Variants in KIAA0930 observed in about 807,000 individuals in gnomAD.
The protein encoded by KIAA0930 is KIAA0930.
Under a neutral mutation model 43.9 loss-of-function variants are expected in KIAA0930, and 24 were observed. The observed-to-expected ratio is 0.55, with a 90% confidence interval of 0.40 to 0.77. The LOEUF is 0.77. Ranked by LOEUF, KIAA0930 falls within the 30% of genes least tolerant of loss-of-function variation. The pLI is 0.00. For missense variants in KIAA0930, 461 were observed against 574.2 expected (o/e 0.80, Z 2.02); for synonymous variants, 259 against 216.4 (o/e 1.20, Z -1.73).
intron 1 of KIAA0930, chr22:45,213,549 AACAGGCAAAGCCCAAGTCACGCTACT>A: frequency 8.7e-6 from 10 of 1,151,756 alleles, no homozygotes; most frequent in Non-Finnish European, 1.1e-5. Flanking sequence ...GCGTTTTTGC[AACAGGCAAAGCCCAAGTCACGCTACT>A]ACAGACCCTT....
chr22:45,206,349 C>T (rs1569074812), intron 2 of KIAA0930, among the ~76,000 whole-genome samples: 1 of 152,088 alleles, frequency 6.6e-6, no homozygotes, highest in South Asian at 2.1e-4. Flanking sequence ...AGTTCTCTAG[C>T]GACGGGAGAT....
intron 7 of KIAA0930, among the ~76,000 whole-genome samples, chr22:45,201,301 G>C (rs545865270): frequency 6.6e-6 from 1 of 152,218 alleles, no homozygotes; most frequent in Admixed American, 6.5e-5. Flanking sequence ...CCAGGGGCCA[G>C]CCCTGCTGCT....
At chr22:45,198,477 C>T (rs1255343633) in intron 8 of KIAA0930, among the ~76,000 whole-genome samples, 6 of 152,312 alleles carry the variant, frequency 3.9e-5, no homozygotes, top group Admixed American at 3.3e-4. Flanking sequence ...AAGAGCAGGT[C>T]GAGGCCAGTG....
At chr22:45,213,264 AGCCCTCAGCCCTCT>A (rs2083710224) in intron 1 of KIAA0930, 2 of 1,259,702 alleles carry the variant, frequency 1.6e-6, no homozygotes, top group Non-Finnish European at 2.1e-6. Flanking sequence ...CTCGGCCCTC[AGCCCTCAGCCCTCT>A]GCCCTCTGCC....
chr22:45,224,236 A>T (rs2083784823), intron 1 of KIAA0930, among the ~76,000 whole-genome samples: 1 of 152,252 alleles, frequency 6.6e-6, no homozygotes, highest in Admixed American at 6.5e-5. Flanking sequence ...AGGAGGAAAG[A>T]CTGAAGGAAT....
chr22:45,205,306 A>C lies in KIAA0930; in HGVS notation c.427T>G (p.Ser143Ala), dbSNP rs1279254994. The C allele has an allele frequency of 6.2e-7, 1 of 1,613,652 alleles. No individual in the cohort carries two copies. The highest frequency in any genetic ancestry group is 8.5e-7 in the Non-Finnish European group (1 of 1,179,812). Residue 143 changes from serine to alanine, a missense_variant, in exon 5 of 10, where the codon TCC becomes GCC. Coordinates refer to ENST00000336156, the MANE Select transcript of KIAA0930 (RefSeq NM_001009880.2). ...HKKKSQQVFA[S>A]PSKHPMDSKG... is the part of the protein sequence containing the mutation. Reference sequence around the variant, plus strand: ...CTGTCCATGGGGTGTTTACTGGGGGACGCGAACACTTGCTGGAAGAAAGCA... The same window carrying C: ...CTGTCCATGGGGTGTTTACTGGGGGCCGCGAACACTTGCTGGAAGAAAGCA...
chr22:45,227,791 T>C (rs527839054), intron 1 of KIAA0930, among the ~76,000 whole-genome samples: 1 of 152,202 alleles, frequency 6.6e-6, no homozygotes, highest in African/African-American at 2.4e-5. Flanking sequence ...CAGCCTCTGA[T>C]AGAGATGACC....
Position 45,193,936 on chromosome 22 carries a change from T to G in KIAA0930, c.*3240A>C, listed in dbSNP as rs1125397. 4.6e-5 allele frequency: 7 copies of G among 150,606 alleles called. No homozygotes were observed. The East Asian group carries it at 5.8e-4, about 12-fold the overall frequency. 9.3% of individuals were successfully genotyped at this position (150,606 alleles called of 1,614,324 possible). A position where few individuals can be genotyped will look rare whatever the true frequency, so the allele number is the denominator to read the frequency against. ...GAAAAGCCCACCCTACAACTTTCTT[T>G]TTAATGTTCTAAAAAGTGACACCTA... On this transcript the variant is annotated 3_prime_UTR_variant, in exon 10 of 10. Coordinates refer to ENST00000336156, the MANE Select transcript of KIAA0930 (RefSeq NM_001009880.2).
At chr22:45,234,428 C>T (rs533359164) in intron 1 of KIAA0930, among the ~76,000 whole-genome samples, 2 of 152,356 alleles carry the variant, frequency 1.3e-5, no homozygotes, top group South Asian at 4.1e-4. Flanking sequence ...GAGGCTGGAT[C>T]CTTTCTCAGC....
rs754291021 is a variant in KIAA0930, at chr22:45,203,845, C to T, written c.657G>A (p.Arg219=). The change falls in exon 6 of 10, where the codon CGG becomes CGA. Residue 219 remains arginine, a splice_region_variant and synonymous_variant. Transcript: ENST00000336156. ...ACCCGTGAGGCCGCCCCGCACTCAC[C>T]CGGTTGTCATACACCTTCTTGAGCG... ...YEALKKVYDN[R]VSVAARMAQK... The T allele has an allele frequency of 1.2e-6, 2 of 1,613,844 alleles. No individual in the cohort carries two copies. The highest frequency in any genetic ancestry group is 8.5e-7 in the Non-Finnish European group (1 of 1,179,860).
At chr22:45,197,717 C>A (rs2083550033) in intron 9 of KIAA0930, 73 bp downstream of exon 9, 1 of 1,546,626 alleles carries the variant, frequency 6.5e-7, no homozygotes, top group Non-Finnish European at 8.9e-7. Context: ...GGGTGGCTCA[C>A]AAGTACCAAG....
chr22:45,202,961 GC>G, intron 7 of KIAA0930, 28 bp downstream of exon 7: 3 of 1,551,426 alleles, frequency 1.9e-6, no homozygotes, highest in Non-Finnish European at 8.7e-7. Flanking sequence ...ACGGATGGGA[GC>G]CCCCGCCCCC....
intron 1 of KIAA0930, among the ~76,000 whole-genome samples, chr22:45,240,003 C>A (rs539122874): frequency 1.3e-5 from 2 of 152,258 alleles, no homozygotes; most frequent in South Asian, 4.2e-4. Flanking sequence ...CATCCCACGC[C>A]CCCCAGCAGA....
chr22:45,200,995 C>A (rs1437874588), intron 7 of KIAA0930: 1 of 531,432 alleles, frequency 1.9e-6, no homozygotes, highest in South Asian at 1.4e-5. Context: ...CCAGAGGGAA[C>A]TTGGCCCATC....
intron 1 of KIAA0930, among the ~76,000 whole-genome samples, chr22:45,222,816 G>A (rs1239238368): frequency 2.0e-5 from 3 of 151,872 alleles, no homozygotes; most frequent in Non-Finnish European, 4.4e-5. Context: ...AATATAAGTG[G>A]TTTTAGAACA....
chr22:45,203,281 A>C, intron 6 of KIAA0930, 97 bp from the exon 7 acceptor site: 3 of 1,280,862 alleles, frequency 2.3e-6, no homozygotes, highest in Non-Finnish European at 3.2e-6. Flanking sequence ...CCATCCCTCA[A>C]GGAGCGGGGG....
intron 8 of KIAA0930, among the ~76,000 whole-genome samples, chr22:45,199,109 G>C (rs1471350701): frequency 6.6e-6 from 1 of 152,164 alleles, no homozygotes; most frequent in African/African-American, 2.4e-5. Context: ...GTCCCCAGGA[G>C]CCATTTCCCA....
chr22:45,206,327 T>C (rs944029813), intron 2 of KIAA0930, among the ~76,000 whole-genome samples: 2 of 152,164 alleles, frequency 1.3e-5, no homozygotes, highest in Admixed American at 1.3e-4. Flanking sequence ...AGAACTCCAA[T>C]TCTTGCTCCC....
rs148688332 is a variant in KIAA0930 at position 45,213,453 on chromosome 22, C to T, written c.65-1346G>A. The T allele has an allele frequency of 3.1e-3, 3,977 of 1,265,154 alleles. 90 individuals carry two copies. In the African/African-American group the frequency reaches 0.054, roughly 17 times the overall value. The allele number at this position is 1,265,154 out of a possible 1,614,324, so 78.4% of individuals were successfully genotyped here. A position where few individuals can be genotyped will look rare whatever the true frequency, so the allele number is the denominator to read the frequency against. ...CAGGGGTGAGGGCCAGGAGAGCCCACGGGACTGGCAAGACCTCCCAGGCTC... is the reference window on the plus strand; with the variant it reads ...CAGGGGTGAGGGCCAGGAGAGCCCATGGGACTGGCAAGACCTCCCAGGCTC... On this transcript the variant is annotated intron_variant, in intron 1 of 9. Transcript: ENST00000336156.
Sources: allele counts gnomAD v4.1 joint callset (sites outside exome capture counted in the v4.1 genomes callset), GRCh38; gene constraint gnomAD v4.1.1; transcripts MANE v1.5; gene names NCBI Gene and HGNC (gene_info 2026-07-23, HGNC 2026-07-21).